Variants in PRKCA observed in about 807,000 individuals in gnomAD.
The protein encoded by PRKCA is protein kinase C alpha.
A neutral mutation model predicts 87.0 loss-of-function variants in PRKCA; 27 were observed. The ratio of observed to expected loss-of-function variants is 0.31; its 90% CI spans 0.23 to 0.43. PRKCA has a LOEUF of 0.43. Ranked by LOEUF, PRKCA falls within the 20% of genes least tolerant of loss-of-function variation. The pLI, the probability that PRKCA is intolerant of heterozygous loss-of-function variation, is 1.00. For synonymous variants in PRKCA, 329 were observed against 311.1 expected (o/e 1.06, Z -0.61); for missense variants, 518 against 852.3 (o/e 0.61, Z 4.88).
chr17:66,753,953 C>G lies in PRKCA; in HGVS notation c.1524+11193C>G, dbSNP rs9911535. Among the ~76,000 whole-genome samples the G allele has an allele frequency of 1.9e-3, 293 of 152,110 alleles. 1 individual carries two copies. Among genetic ancestry groups the G allele is most frequent in the African/African-American group, 6.8e-3 (281 of 41,494 alleles). On this transcript the variant is annotated intron_variant, in intron 13 of 16. Transcript: ENST00000413366. The stretch of plus-strand genomic sequence containing the variant: ...TCTGTGGTGTTTTATAAGGGTAGCT[C>G]AAGCCAACCAATACAGGAAGGTACT...
rs1967426698 is a variant in PRKCA, at chr17:66,528,522, TG to T, written c.288+32242del. Among the ~76,000 whole-genome samples, 4 of 152,144 alleles carry T rather than the reference TG, an allele frequency of 2.6e-5. No homozygotes were observed. In the South Asian group the frequency reaches 8.3e-4, roughly 32 times the overall value. On this transcript the variant is annotated intron_variant, in intron 3 of 16. Coordinates refer to ENST00000413366, the MANE Select transcript of PRKCA (RefSeq NM_002737.3). ...TCACAAAAGGATGCAGAAGCAGAGT[TG>T]GGAGGGTTGCCCTTCAAACATGGAG...
intron 13 of PRKCA, among the ~76,000 whole-genome samples, chr17:66,753,481 A>G (rs145799896): frequency 8.9e-4 from 135 of 152,304 alleles, no homozygotes; most frequent in African/African-American, 3.2e-3. Flanking sequence ...GGGGTGGCCC[A>G]TGTCAATAGT....
chr17:66,491,637 A>G, intron 2 of PRKCA, among the ~76,000 whole-genome samples: 1 of 152,184 alleles, frequency 6.6e-6, no homozygotes, highest in East Asian at 1.9e-4. Flanking sequence ...ACAAAAAACA[A>G]TAGCTCCTGA....
chr17:66,569,750 TAAGA>T (rs987125826), intron 3 of PRKCA, among the ~76,000 whole-genome samples: 1 of 152,008 alleles, frequency 6.6e-6, no homozygotes, highest in Non-Finnish European at 1.5e-5. Context: ...CCAGCAGTCG[TAAGA>T]AAGAATAAAA....
chr17:66,408,456 T>TC (rs1401685563), intron 2 of PRKCA, among the ~76,000 whole-genome samples: 5 of 152,218 alleles, frequency 3.3e-5, no homozygotes, highest in Non-Finnish European at 4.4e-5. Flanking sequence ...ATACATTTAA[T>TC]CCATGTCAAC....
Position 66,475,154 on chromosome 17 carries a change from A to T in PRKCA, c.206-21047A>T, listed in dbSNP as rs151021044. ...CTCTTAGGAAGTGGTTTCCAGTTTC[A>T]TTCTCTTGTTGGAAAACTTATGCCA... On this transcript the variant is annotated intron_variant, in intron 2 of 16. Transcript: ENST00000413366. Among the ~76,000 whole-genome samples, 565 of 152,184 alleles carry T rather than the reference A, an allele frequency of 3.7e-3. 4 individuals carry two copies. In the Middle Eastern group the frequency reaches 0.041, roughly 11 times the overall value.
intron 2 of PRKCA, among the ~76,000 whole-genome samples, chr17:66,372,855 G>C (rs1193877380): frequency 1.3e-5 from 2 of 152,140 alleles, no homozygotes; most frequent in East Asian, 3.9e-4. Flanking sequence ...TCAGGAATTC[G>C]AGACCAGCCT....
intron 2 of PRKCA, among the ~76,000 whole-genome samples, chr17:66,402,414 ATTTTTTTT>A (rs368233389): frequency 7.5e-6 from 1 of 133,678 alleles, no homozygotes; most frequent in Non-Finnish European, 1.6e-5. Flanking sequence ...AGGCCAAGAA[ATTTTTTTT>A]TTTTTTTTTT....
intron 3 of PRKCA, among the ~76,000 whole-genome samples, chr17:66,631,690 A>G (rs1971017540): frequency 6.6e-6 from 1 of 152,160 alleles, no homozygotes; most frequent in South Asian, 2.1e-4. Flanking sequence ...TTTTAAAATA[A>G]CTTAAGGAGC....
At chr17:66,695,559 T>C (rs1167582693) in intron 8 of PRKCA, among the ~76,000 whole-genome samples, 2 of 152,206 alleles carry the variant, frequency 1.3e-5, no homozygotes, top group Non-Finnish European at 2.9e-5. Context: ...TGTCCAGGCT[T>C]TTTATTGTTT....
chr17:66,441,264 A>G (rs1913737508), intron 2 of PRKCA, among the ~76,000 whole-genome samples: 2 of 150,838 alleles, frequency 1.3e-5, no homozygotes, highest in Admixed American at 1.3e-4. Flanking sequence ...GGATGGCCTG[A>G]GGCCAGGAGT....
At chr17:66,653,193 A>G (rs367713812) in intron 5 of PRKCA, among the ~76,000 whole-genome samples, 1 of 152,248 alleles carries the variant, frequency 6.6e-6, no homozygotes, top group Non-Finnish European at 1.5e-5. Context: ...CTAGTGGTCT[A>G]TGTCCCCAAG....
chr17:66,544,738 A>G (rs1427655547), intron 3 of PRKCA, among the ~76,000 whole-genome samples: 4 of 152,082 alleles, frequency 2.6e-5, no homozygotes, highest in Admixed American at 1.3e-4. Context: ...GATTACAGGC[A>G]TGCGCCACCA....
intron 2 of PRKCA, among the ~76,000 whole-genome samples, chr17:66,441,435 G>GA (rs1446875563): frequency 4.4e-3 from 300 of 68,734 alleles, no homozygotes; most frequent in African/African-American, 0.014. Context: ...TCCCTGAGGG[G>GA]GAACCTACTT....
At chr17:66,653,894 A>G (rs767942606) in intron 5 of PRKCA, among the ~76,000 whole-genome samples, 4 of 152,110 alleles carry the variant, frequency 2.6e-5, no homozygotes, top group Non-Finnish European at 5.9e-5. Context: ...AAAAGTCCAT[A>G]ATAAGAGGGG....
chr17:66,625,609 G>A (rs1970832200), intron 3 of PRKCA, among the ~76,000 whole-genome samples: 1 of 152,074 alleles, frequency 6.6e-6, no homozygotes, highest in South Asian at 2.1e-4. Context: ...CCTTTTTCCT[G>A]TCCTCAGGGG....
At position 66,632,316 on chromosome 17, in the gene PRKCA, T is replaced by TCC. The variant is rs1250706990; in HGVS notation, c.289-9039_289-9038insCC. Reference sequence around the variant, plus strand: ...CCACACTTTCCCAGAGTCATTTACTTATTTATCAATCTAGAAAAAAACTGT... The same window carrying TCC: ...CCACACTTTCCCAGAGTCATTTACTTCCATTTATCAATCTAGAAAAAAACTGT... On this transcript the variant is annotated intron_variant, in intron 3 of 16. Transcript: ENST00000413366. Among the ~76,000 whole-genome samples the TCC allele has an allele frequency of 3.2e-4, 48 of 152,360 alleles. No homozygotes were observed. The South Asian group carries it at 8.9e-3, about 28-fold the overall frequency.
chr17:66,686,986 T>C, intron 5 of PRKCA, 125 bp from the exon 6 acceptor site: 7 of 859,086 alleles, frequency 8.1e-6, no homozygotes, highest in Non-Finnish European at 1.3e-5. Flanking sequence ...GCTTTTGGCT[T>C]CCACCATCTG....
At chr17:66,622,699 C>T (rs979853285) in intron 3 of PRKCA, among the ~76,000 whole-genome samples, 1 of 152,230 alleles carries the variant, frequency 6.6e-6, no homozygotes, top group Non-Finnish European at 1.5e-5. Flanking sequence ...AATGGACTCA[C>T]AGTTCCATGT....
Sources: allele counts gnomAD v4.1 joint callset (sites outside exome capture counted in the v4.1 genomes callset), GRCh38; gene constraint gnomAD v4.1.1; transcripts MANE v1.5; gene names NCBI Gene and HGNC (gene_info 2026-07-23, HGNC 2026-07-21).